Variants in ZC3H12B observed in about 807,000 individuals in gnomAD.
The protein encoded by ZC3H12B is probable ribonuclease ZC3H12B.
A neutral mutation model predicts 43.9 loss-of-function variants in ZC3H12B; 7 were observed. That is an observed-to-expected ratio of 0.16 (90% CI 0.09 to 0.30). ZC3H12B has a LOEUF of 0.30. Ranked by LOEUF, ZC3H12B falls within the 10% of genes least tolerant of loss-of-function variation. ZC3H12B has a pLI of 1.00. For missense variants in ZC3H12B, 475 were observed against 670.2 expected, an observed-to-expected ratio of 0.71 and a Z score of 3.22; for synonymous variants, 222 against 241.7, an observed-to-expected ratio of 0.92 and a Z score of 0.76.
chrX:65,229,276 A>T, the ZC3H12B span, among the ~76,000 whole-genome samples: 1 of 112,034 alleles, frequency 8.9e-6, no homozygotes, highest in Non-Finnish European at 1.9e-5. Context: ...TAAAACAAGC[A>T]ATGGGGAAAG....
At chrX:65,489,321 G>A in exon 1 of ZC3H12B, 3 of 1,211,369 alleles carry the variant, frequency 2.5e-6, no homozygotes, top group Non-Finnish European at 3.4e-6. Flanking sequence ...CAGAGAGATT[G>A]CAAGCCCTGA....
chrX:65,064,293 C>T, the ZC3H12B span, among the ~76,000 whole-genome samples: 24 of 111,949 alleles, frequency 2.1e-4, no homozygotes, highest in African/African-American at 7.8e-4. Context: ...GTATTTAATG[C>T]TATAAGTTTC....
the ZC3H12B span, among the ~76,000 whole-genome samples, chrX:65,178,250 A>G: frequency 8.9e-6 from 1 of 112,416 alleles, no homozygotes; most frequent in Non-Finnish European, 1.9e-5. Context: ...TATACCTTAT[A>G]CAAAGATTAA....
At chrX:65,394,244 C>G (rs1027755466) in intron 2 of ZC3H12B, among the ~76,000 whole-genome samples, 3 of 112,048 alleles carry the variant, frequency 2.7e-5, no homozygotes, top group Non-Finnish European at 5.6e-5. Flanking sequence ...GTTGCCATTG[C>G]TTTTGGTGTT....
the ZC3H12B span, among the ~76,000 whole-genome samples, chrX:65,256,597 G>A: frequency 9.0e-6 from 1 of 111,256 alleles, no homozygotes; most frequent in Non-Finnish European, 1.9e-5. Flanking sequence ...GAAACATCTT[G>A]AATTAACAAC....
chrX:65,222,616 A>G, the ZC3H12B span, among the ~76,000 whole-genome samples: 11 of 82,335 alleles, frequency 1.3e-4, no homozygotes, highest in African/African-American at 9.6e-4. Flanking sequence ...AATAATAATA[A>G]TAATAATAAT....
At chrX:65,056,448 T>G in the ZC3H12B span, among the ~76,000 whole-genome samples, 1 of 112,089 alleles carries the variant, frequency 8.9e-6, no homozygotes, top group African/African-American at 3.2e-5. Flanking sequence ...CACTGTGGTC[T>G]CAGAGACAGT....
chrX:65,162,253 G>A, the ZC3H12B span, among the ~76,000 whole-genome samples: 2 of 110,892 alleles, frequency 1.8e-5, no homozygotes, highest in African/African-American at 6.6e-5. Context: ...TCTTGGAGTT[G>A]CTCTTCTCGA....
At chrX:65,117,387 G>T in the ZC3H12B span, among the ~76,000 whole-genome samples, 3 of 111,569 alleles carry the variant, frequency 2.7e-5, no homozygotes, top group African/African-American at 9.8e-5. Context: ...CATATCCTTC[G>T]CCCACTTTTT....
intron 3 of ZC3H12B, among the ~76,000 whole-genome samples, chrX:65,441,127 T>C (rs2067296021): frequency 1.8e-5 from 2 of 112,223 alleles, no homozygotes; most frequent in African/African-American, 3.2e-5. Context: ...TTGTGGGCTA[T>C]ACAATTGTTC....
the ZC3H12B span, among the ~76,000 whole-genome samples, chrX:65,295,681 G>A: frequency 1.8e-5 from 2 of 111,713 alleles, no homozygotes; most frequent in Non-Finnish European, 3.8e-5. Flanking sequence ...GAAAAGAATA[G>A]AGAAGATCCA....
At chrX:65,451,591 C>T (rs1196705079) in intron 3 of ZC3H12B, among the ~76,000 whole-genome samples, 1 of 111,721 alleles carries the variant, frequency 9.0e-6, no homozygotes, top group Admixed American at 9.6e-5. Context: ...CCTTCTGCCT[C>T]AGCCTTCCAA....
chrX:65,204,620 A>T, the ZC3H12B span, among the ~76,000 whole-genome samples: 1 of 111,764 alleles, frequency 8.9e-6, no homozygotes, highest in Non-Finnish European at 1.9e-5. Context: ...CAAAGTGAAA[A>T]TTAAGATGGG....
At chrX:65,450,188 C>T (rs2067453103) in intron 3 of ZC3H12B, among the ~76,000 whole-genome samples, 1 of 103,750 alleles carries the variant, frequency 9.6e-6, no homozygotes, top group East Asian at 3.0e-4. Flanking sequence ...ACCTGTAATC[C>T]CAGCTACTTG....
chrX:65,042,018 G>A, the ZC3H12B span, among the ~76,000 whole-genome samples: 1 of 111,723 alleles, frequency 9.0e-6, no homozygotes, highest in South Asian at 3.7e-4. Context: ...GTTGCTAGAG[G>A]CATGTTATTT....
At chrX:65,343,748 C>A in the ZC3H12B span, among the ~76,000 whole-genome samples, 1 of 111,753 alleles carries the variant, frequency 8.9e-6, no homozygotes, top group Non-Finnish European at 1.9e-5. Flanking sequence ...GGAAGCATTC[C>A]CCTTGAAAAC....
At chrX:65,242,982 A>G in the ZC3H12B span, among the ~76,000 whole-genome samples, 1 of 112,185 alleles carries the variant, frequency 8.9e-6, no homozygotes, top group Non-Finnish European at 1.9e-5. Flanking sequence ...TCAAATCACA[A>G]TGGATAAAAG....
At chrX:65,155,679 C>T in the ZC3H12B span, among the ~76,000 whole-genome samples, 533 of 110,465 alleles carry the variant, frequency 4.8e-3, 2 homozygotes, top group African/African-American at 0.015. Context: ...CATGGTGAAA[C>T]CTCGTCTGTA....
At chrX:65,187,666 T>G in the ZC3H12B span, among the ~76,000 whole-genome samples, 8 of 109,233 alleles carry the variant, frequency 7.3e-5, no homozygotes, top group South Asian at 2.0e-3. Flanking sequence ...TTTTTTTTTT[T>G]TTTTACTTTT....
Sources: gnomAD v4.1 joint callset for allele counts (sites outside exome capture counted in the v4.1 genomes callset) on GRCh38, gnomAD v4.1.1 for gene constraint, MANE v1.5 for transcripts, NCBI Gene and HGNC (gene_info 2026-07-23, HGNC 2026-07-21) for gene names.